UBE2E2: variants seen among roughly 807,000 people sequenced by gnomAD.
UBE2E2 encodes ubiquitin-conjugating enzyme E2 E2.
A neutral mutation model predicts 24.7 loss-of-function variants in UBE2E2; 6 were observed. The ratio of observed to expected loss-of-function variants is 0.24; its 90% CI spans 0.13 to 0.48. The LOEUF (loss-of-function observed/expected upper bound fraction) is 0.48. Among genes scored for constraint, UBE2E2 ranks in the 20% least tolerant of loss-of-function variants. The probability of loss-of-function intolerance (pLI) is 0.99; values close to 1 mark genes in which losing one functional copy is unlikely to be tolerated. For missense variants in UBE2E2, 169 were observed against 245.0 expected, an observed-to-expected ratio of 0.69 and a Z score of 2.07; for synonymous variants, 104 against 83.6, an observed-to-expected ratio of 1.24 and a Z score of -1.33.
intron 3 of UBE2E2, among the ~76,000 whole-genome samples, chr3:23,433,325 A>G (rs1165645051): frequency 6.6e-6 from 1 of 151,952 alleles, no homozygotes; most frequent in Non-Finnish European, 1.5e-5. Context: ...AAAAAAGCTG[A>G]AAAACAGCTG....
intron 3 of UBE2E2, among the ~76,000 whole-genome samples, chr3:23,431,764 A>ATACC (rs1191483636): frequency 6.6e-6 from 1 of 152,196 alleles, no homozygotes; most frequent in Non-Finnish European, 1.5e-5. Flanking sequence ...ATTAACCACT[A>ATACC]TACGTAGAAA....
chr3:23,530,110 C>G (rs1326870313), intron 4 of UBE2E2, among the ~76,000 whole-genome samples: 1 of 152,148 alleles, frequency 6.6e-6, no homozygotes, highest in Non-Finnish European at 1.5e-5. Flanking sequence ...TATGTAGATT[C>G]TGACTTTACA....
intron 3 of UBE2E2, among the ~76,000 whole-genome samples, chr3:23,398,268 G>T (rs552007130): frequency 1.1e-4 from 15 of 133,594 alleles, no homozygotes; most frequent in Non-Finnish European, 2.1e-4. Flanking sequence ...AGCTGAGATG[G>T]CACCACTGCA....
intron 3 of UBE2E2, among the ~76,000 whole-genome samples, chr3:23,385,071 C>A (rs986910002): frequency 6.6e-6 from 1 of 152,164 alleles, no homozygotes; most frequent in Non-Finnish European, 1.5e-5. Flanking sequence ...GCTGGGACCA[C>A]GGGCGCACAC....
chr3:23,286,849 G>C lies in UBE2E2; in HGVS notation c.227+69537G>C, dbSNP rs554786840. Among the ~76,000 whole-genome samples, 9 of 152,160 alleles carry C rather than the reference G, an allele frequency of 5.9e-5. No individual in the cohort carries two copies. The South Asian group carries it at 1.9e-3, about 32-fold the overall frequency. On this transcript the variant is annotated intron_variant, in intron 3 of 5. Transcript: ENST00000396703. ...AGTGTTTTGTAGTTTTTATTGTAGA[G>C]AGCTTTCACTTCTTAGATTAAGCTA... is the stretch of plus-strand genomic sequence containing the variant.
intron 3 of UBE2E2, among the ~76,000 whole-genome samples, chr3:23,357,650 G>T (rs191818078): frequency 6.6e-6 from 1 of 152,118 alleles, no homozygotes; most frequent in African/African-American, 2.4e-5. Flanking sequence ...AGCAGCTTCT[G>T]TTTCCAGAAA....
At chr3:23,548,866 G>T (rs887737860) in intron 5 of UBE2E2, among the ~76,000 whole-genome samples, 3 of 152,064 alleles carry the variant, frequency 2.0e-5, no homozygotes, top group Non-Finnish European at 4.4e-5. Context: ...TATAATCTTG[G>T]AATATCCCTT....
At chr3:23,229,248 C>T (rs1389269060) in intron 3 of UBE2E2, among the ~76,000 whole-genome samples, 2 of 152,088 alleles carry the variant, frequency 1.3e-5, no homozygotes, top group Non-Finnish European at 2.9e-5. Flanking sequence ...CTCGTGTAAT[C>T]TTTACAACTG....
At chr3:23,506,549 C>T (rs945848427) in intron 4 of UBE2E2, among the ~76,000 whole-genome samples, 6 of 152,150 alleles carry the variant, frequency 3.9e-5, no homozygotes, top group African/African-American at 7.2e-5. Flanking sequence ...AACTCTTTGG[C>T]GCAAACCACC....
chr3:23,551,129 A>G (rs1177938800), intron 5 of UBE2E2, among the ~76,000 whole-genome samples: 3 of 152,228 alleles, frequency 2.0e-5, no homozygotes, highest in African/African-American at 7.2e-5. Context: ...ATGGAAATAC[A>G]ACAAATTCCA....
chr3:23,367,556 T>C (rs1262769723), intron 3 of UBE2E2, among the ~76,000 whole-genome samples: 9 of 152,174 alleles, frequency 5.9e-5, no homozygotes, highest in Non-Finnish European at 8.8e-5. Flanking sequence ...GCATGGAAGC[T>C]CTGTGCCCCT....
intron 3 of UBE2E2, among the ~76,000 whole-genome samples, chr3:23,480,469 G>A (rs913217833): frequency 2.6e-5 from 4 of 152,136 alleles, no homozygotes; most frequent in East Asian, 3.9e-4. Flanking sequence ...CTCCTGCCCC[G>A]CCAGCTTAGT....
intron 3 of UBE2E2, among the ~76,000 whole-genome samples, chr3:23,419,309 A>G (rs994097633): frequency 2.0e-5 from 3 of 151,970 alleles, no homozygotes; most frequent in African/African-American, 7.3e-5. Flanking sequence ...ATAACCCCCT[A>G]AGCTTTGCTG....
chr3:23,345,104 T>G (rs1490848629), intron 3 of UBE2E2, among the ~76,000 whole-genome samples: 1 of 152,220 alleles, frequency 6.6e-6, no homozygotes, highest in Admixed American at 6.5e-5. Context: ...CATTTCTAGT[T>G]CTGCCTCTGA....
At chr3:23,445,037 GTGA>G (rs1405519909) in intron 3 of UBE2E2, among the ~76,000 whole-genome samples, 1 of 152,198 alleles carries the variant, frequency 6.6e-6, no homozygotes, top group Non-Finnish European at 1.5e-5. Context: ...CTTATGCCAA[GTGA>G]TCGGTTTCCT....
At chr3:23,565,527 G>A (rs1696052535) in intron 5 of UBE2E2, among the ~76,000 whole-genome samples, 1 of 141,946 alleles carries the variant, frequency 7.0e-6, no homozygotes, top group Middle Eastern at 3.4e-3. Flanking sequence ...AGGTCAACAG[G>A]TTACAGAGGC....
chr3:23,267,197 CT>C (rs1226350000), intron 3 of UBE2E2, among the ~76,000 whole-genome samples: 2 of 151,302 alleles, frequency 1.3e-5, no homozygotes, highest in Non-Finnish European at 2.9e-5. Context: ...CAAGAAATAA[CT>C]AAAATCAGAG....
At chr3:23,416,337 T>C (rs1415582384) in intron 3 of UBE2E2, among the ~76,000 whole-genome samples, 1 of 152,254 alleles carries the variant, frequency 6.6e-6, no homozygotes, top group Non-Finnish European at 1.5e-5. Flanking sequence ...TGTGAAATTC[T>C]GGGTTGAAAA....
intron 3 of UBE2E2, among the ~76,000 whole-genome samples, chr3:23,245,119 T>C (rs1228254053): frequency 6.6e-6 from 1 of 152,046 alleles, no homozygotes; most frequent in Non-Finnish European, 1.5e-5. Flanking sequence ...TTAGGTACTG[T>C]GGAGATACAA....
Sources: gnomAD v4.1 joint callset for allele counts (sites outside exome capture counted in the v4.1 genomes callset) on GRCh38, gnomAD v4.1.1 for gene constraint, MANE v1.5 for transcripts, NCBI Gene and HGNC (gene_info 2026-07-23, HGNC 2026-07-21) for gene names.